The following DMD variants were observed in gnomAD, a reference collection of about 807,000 sequenced individuals.
The protein encoded by DMD is dystrophin.
Under a neutral mutation model 330.1 loss-of-function variants are expected in DMD, and 63 were observed. The ratio of observed to expected loss-of-function variants is 0.19; its 90% CI spans 0.16 to 0.24. The LOEUF is 0.24. Among genes scored for constraint, DMD ranks in the 10% least tolerant of loss-of-function variants. The probability of loss-of-function intolerance (pLI) is 1.00; values close to 1 mark genes in which losing one functional copy is unlikely to be tolerated. For synonymous variants in DMD, 1,223 were observed against 959.8 expected, an observed-to-expected ratio of 1.27 and a Z score of -5.07; for missense variants, 3,344 against 2,684.1, an observed-to-expected ratio of 1.25 and a Z score of -5.43.
intron 12 of DMD, among the ~76,000 whole-genome samples, chrX:32,603,803 C>T (rs965159874): frequency 2.7e-5 from 3 of 110,770 alleles, no homozygotes; most frequent in African/African-American, 9.8e-5. Flanking sequence ...AATTGAACCA[C>T]AAGAAGCAAA....
intron 53 of DMD, among the ~76,000 whole-genome samples, chrX:31,678,112 T>C (rs1012993376): frequency 4.5e-5 from 5 of 112,281 alleles, no homozygotes; most frequent in South Asian, 7.3e-4. Flanking sequence ...GACTATGATA[T>C]AACCAAGAAA....
intron 74 of DMD, among the ~76,000 whole-genome samples, chrX:31,159,919 C>T (rs938554699): frequency 3.6e-5 from 4 of 112,310 alleles, no homozygotes; most frequent in Non-Finnish European, 3.8e-5. Flanking sequence ...CTTAATCTTA[C>T]TTTGAGATGA....
chrX:32,470,385 C>A (rs1448740009), intron 22 of DMD, among the ~76,000 whole-genome samples: 1 of 111,318 alleles, frequency 9.0e-6, no homozygotes, highest in East Asian at 2.8e-4. Context: ...TTTGGGCTTC[C>A]CCACATTTTT....
At chrX:32,656,503 C>T (rs1413174613) in intron 9 of DMD, among the ~76,000 whole-genome samples, 1 of 112,249 alleles carries the variant, frequency 8.9e-6, no homozygotes, top group African/African-American at 3.2e-5. Flanking sequence ...ATCTCATATA[C>T]TGATATACTC....
intron 43 of DMD, among the ~76,000 whole-genome samples, chrX:32,223,834 A>C (rs746383713): frequency 9.0e-6 from 1 of 111,654 alleles, no homozygotes; most frequent in Admixed American, 9.5e-5. Context: ...GGGACTTAGA[A>C]ATTCTTTATA....
intron 44 of DMD, among the ~76,000 whole-genome samples, chrX:32,041,605 C>T (rs995483230): frequency 9.0e-6 from 1 of 111,186 alleles, no homozygotes; most frequent in African/African-American, 3.3e-5. Context: ...TGTTTCTTTC[C>T]TGTACATCAC....
chrX:33,162,895 T>C (rs1218675576), intron 1 of DMD, among the ~76,000 whole-genome samples: 4 of 111,234 alleles, frequency 3.6e-5, no homozygotes, highest in Non-Finnish European at 5.7e-5. Flanking sequence ...ATTTTACTGC[T>C]TCTGAAAATG....
intron 9 of DMD, among the ~76,000 whole-genome samples, chrX:32,663,417 T>C (rs1434283059): frequency 8.9e-6 from 1 of 111,957 alleles, no homozygotes; most frequent in East Asian, 2.8e-4. Flanking sequence ...AAACTTCAAA[T>C]AGATAATTTT....
At chrX:32,977,156 C>T (rs1400132440) in intron 2 of DMD, among the ~76,000 whole-genome samples, 3 of 109,466 alleles carry the variant, frequency 2.7e-5, no homozygotes, top group African/African-American at 6.7e-5. Flanking sequence ...AAAAATTAAC[C>T]GGGCATGGTG....
intron 63 of DMD, among the ~76,000 whole-genome samples, chrX:31,257,070 G>A (rs1470295856): frequency 9.2e-6 from 1 of 108,143 alleles, no homozygotes; most frequent in Non-Finnish European, 1.9e-5. Context: ...ATCCTATTGT[G>A]TTCAAACCCT....
intron 60 of DMD, among the ~76,000 whole-genome samples, chrX:31,356,924 C>CTT (rs58097229): frequency 1.2e-4 from 9 of 74,288 alleles, no homozygotes; most frequent in South Asian, 7.7e-4. Context: ...TTTCTTCTGC[C>CTT]TTTTTTTTTT....
chrX:31,903,713 C>T (rs2094448239), intron 47 of DMD, among the ~76,000 whole-genome samples: 1 of 112,068 alleles, frequency 8.9e-6, no homozygotes, highest in Non-Finnish European at 1.9e-5. Flanking sequence ...TCATACATAG[C>T]TCTACCTTTG....
intron 57 of DMD, among the ~76,000 whole-genome samples, chrX:31,487,440 T>C (rs2068903836): frequency 9.0e-6 from 1 of 110,829 alleles, no homozygotes; most frequent in Non-Finnish European, 1.9e-5. Context: ...TTTTCTTTTT[T>C]TGTATTTTTA....
At chrX:32,997,920 T>G (rs1285600051) in intron 2 of DMD, among the ~76,000 whole-genome samples, 1 of 112,372 alleles carries the variant, frequency 8.9e-6, no homozygotes, top group African/African-American at 3.2e-5. Context: ...GTCTTGTTAC[T>G]TCTCAAAAAA....
At chrX:33,071,128 C>T (rs748339126) in intron 1 of DMD, among the ~76,000 whole-genome samples, 1 of 111,055 alleles carries the variant, frequency 9.0e-6, no homozygotes, top group South Asian at 3.9e-4. Context: ...AGTTACTCAA[C>T]CTCTTTGTGC....
chrX:31,211,929 T>C (rs2044720063), intron 64 of DMD, among the ~76,000 whole-genome samples: 3 of 111,478 alleles, frequency 2.7e-5, no homozygotes. Context: ...ACACAATCCA[T>C]GCTATGGACC....
chrX:31,948,286 T>TAGCA (rs2095115110), intron 45 of DMD, among the ~76,000 whole-genome samples: 1 of 112,293 alleles, frequency 8.9e-6, no homozygotes, highest in Non-Finnish European at 1.9e-5. Flanking sequence ...ACAGCTATGC[T>TAGCA]GTATTGATAT....
At chrX:33,219,307 TG>T (rs1569558768) in intron 1 of DMD, among the ~76,000 whole-genome samples, 5 of 2,147 alleles carry the variant, frequency 2.3e-3, no homozygotes, top group East Asian at 0.016. Context: ...TAGAGATTAT[TG>T]TGTGTGTGTG....
At chrX:32,748,491 G>A (rs1035516713) in intron 7 of DMD, among the ~76,000 whole-genome samples, 2 of 111,756 alleles carry the variant, frequency 1.8e-5, no homozygotes, top group African/African-American at 6.5e-5. Flanking sequence ...TGGGGTATGA[G>A]TCCAGTTTGA....
Sources: allele counts gnomAD v4.1 joint callset (sites outside exome capture counted in the v4.1 genomes callset), GRCh38; gene constraint gnomAD v4.1.1; transcripts MANE v1.5; gene names NCBI Gene and HGNC (gene_info 2026-07-23, HGNC 2026-07-21).